FANCD2: variants seen among roughly 807,000 people sequenced by gnomAD.
FANCD2 encodes the protein FA complementation group D2, also known as Fanconi anemia group D2 protein.
A neutral mutation model predicts 192.3 loss-of-function variants in FANCD2; 131 were observed. The observed-to-expected ratio is 0.68, with a 90% CI of 0.59 to 0.79. The LOEUF is 0.79. FANCD2 is among the 30% of genes least tolerant of loss of function. FANCD2 has a pLI of 0.00. For missense variants in FANCD2, 1,508 were observed against 1,701.6 expected (o/e 0.89, Z 2.00); for synonymous variants, 524 against 612.5 (o/e 0.86, Z 2.13).
At chr3:10,046,306 G>A (rs2087008753) in intron 14 of FANCD2, 1 of 390,408 alleles carries the variant, frequency 2.6e-6, no homozygotes, top group Admixed American at 3.9e-5. Context: ...GCCCGCCTTG[G>A]CCTCCCAAAG....
chr3:10,085,020 G>A (rs895590293), intron 32 of FANCD2, among the ~76,000 whole-genome samples: 1 of 152,124 alleles, frequency 6.6e-6, no homozygotes, highest in African/African-American at 2.4e-5. Flanking sequence ...GGAAAGGAAG[G>A]GACAATATGA....
At chr3:10,064,293 T>C in intron 21 of FANCD2, 63 bp from the exon 22 acceptor site, 1 of 1,096,630 alleles carries the variant, frequency 9.1e-7, no homozygotes, top group Non-Finnish European at 1.4e-6. Context: ...TAAGAGTAAT[T>C]TATCTAGGGC....
chr3:10,100,226 A>G (rs1051752892), intron 43 of FANCD2, among the ~76,000 whole-genome samples: 4 of 152,224 alleles, frequency 2.6e-5, no homozygotes, highest in Non-Finnish European at 5.9e-5. Flanking sequence ...TTTTATTTGT[A>G]TAATATACCC....
At chr3:10,044,625 T>C (rs2086951448) in intron 14 of FANCD2, among the ~76,000 whole-genome samples, 1 of 152,086 alleles carries the variant, frequency 6.6e-6, no homozygotes, top group Non-Finnish European at 1.5e-5. Flanking sequence ...CCTTAGGTGC[T>C]GATTGGTTGC....
At chr3:10,054,455 A>G (rs1475463349) in intron 18 of FANCD2, among the ~76,000 whole-genome samples, 1 of 18,800 alleles carries the variant, frequency 5.3e-5, no homozygotes, top group Non-Finnish European at 1.1e-4. Flanking sequence ...ACATATATAT[A>G]TATATATATA....
At chr3:10,037,226 C>T (rs1352068834) in intron 7 of FANCD2, among the ~76,000 whole-genome samples, 3 of 152,072 alleles carry the variant, frequency 2.0e-5, no homozygotes, top group Non-Finnish European at 4.4e-5. Context: ...AATACAAGAA[C>T]ATCAAATATT....
rs137927195 is a variant in FANCD2 at position 10,098,158 on chromosome 3, A to G, written c.4186-562A>G. On this transcript the variant is annotated intron_variant, in intron 42 of 43. Transcript: ENST00000675286. The stretch of plus-strand genomic sequence containing the variant: ...ATATAAAACAGCACCACAGAGAATT[A>G]GCTTCCTTTCTTCACATCAACCTTA... Among the ~76,000 whole-genome samples the G allele has an allele frequency of 8.2e-3, 1,256 of 152,330 alleles. 21 individuals carry two copies. The highest frequency in any genetic ancestry group is 0.028 in the African/African-American group (1,179 of 41,578).
rs779808366 is a variant in FANCD2, at chr3:10,060,407, C to G, written c.1766+4C>G. ...CTGGCATCATGGCGGCAGACAGGTACACGTGGAGATTCTGACTTCTGTGGT... is the reference window on the plus strand; with the variant it reads ...CTGGCATCATGGCGGCAGACAGGTAGACGTGGAGATTCTGACTTCTGTGGT... On this transcript the variant is annotated splice_donor_region_variant and intron_variant, in intron 19 of 43. Coordinates refer to ENST00000675286, the MANE Select transcript of FANCD2 (RefSeq NM_001018115.3). 2.5e-6 allele frequency: 4 copies of G among 1,606,790 alleles called. No individual in the cohort carries two copies. The highest frequency in any genetic ancestry group is 3.4e-6 in the Non-Finnish European group (4 of 1,173,358).
At chr3:10,089,583 C>T (rs1694459536) in intron 36 of FANCD2, among the ~76,000 whole-genome samples, 1 of 152,104 alleles carries the variant, frequency 6.6e-6, no homozygotes, top group African/African-American at 2.4e-5. Flanking sequence ...GATTCTCCTA[C>T]CCCAGCCTTT....
chr3:10,050,400 A>G (rs1221455024), intron 17 of FANCD2, among the ~76,000 whole-genome samples: 29 of 149,862 alleles, frequency 1.9e-4, no homozygotes, highest in East Asian at 4.1e-4. Context: ...CAAGGCGGGC[A>G]AATCACGAGG....
At chr3:10,029,287 G>T (rs763530948) in intron 2 of FANCD2, among the ~76,000 whole-genome samples, 7 of 152,148 alleles carry the variant, frequency 4.6e-5, no homozygotes, top group African/African-American at 9.7e-5. Context: ...GTCACCTAAA[G>T]CTAGGAGTTC....
Position 10,096,324 on chromosome 3 carries a change from A to G in FANCD2, c.4039-2A>G. On this transcript the variant is annotated splice_acceptor_variant, in intron 41 of 43. Transcript: ENST00000675286. LOFTEE classifies it high-confidence loss of function. ...AGATGGATGTTATTTATTTCCATTC[A>G]GATTCACCAGGACACGAGACTCACC... is the stretch of plus-strand genomic sequence containing the variant. 2 of 1,614,048 alleles carry G rather than the reference A, an allele frequency of 1.2e-6. No individual in the cohort carries two copies. The highest frequency in any genetic ancestry group is 1.7e-6 in the Non-Finnish European group (2 of 1,179,920).
intron 18 of FANCD2, among the ~76,000 whole-genome samples, chr3:10,053,506 A>G (rs2087281749): frequency 6.6e-6 from 1 of 151,504 alleles, no homozygotes; most frequent in South Asian, 2.1e-4. Context: ...GTGCACATGT[A>G]CCCTAAAACT....
rs759396763 is a variant in FANCD2 at position 10,073,335 on chromosome 3, G to A, written c.2688G>A (p.Thr896=). Residue 896 remains threonine (T), a synonymous_variant, in exon 28 of 44, where the codon ACG becomes ACA. Transcript: ENST00000675286. ...AGAAAAATTCAGAATGTGACCCTAC[G>A]CCATCTCATAGAGGCCAGCTAAACA... ...SEEKNSECDP[T]PSHRGQLNKE... 4 of 1,613,146 alleles carry A rather than the reference G, an allele frequency of 2.5e-6. No homozygotes were observed. The highest frequency in any genetic ancestry group is 1.3e-5 in the African/African-American group (1 of 75,010).
chr3:10,072,761 T>C (rs1693326723), intron 26 of FANCD2, 110 bp from the exon 27 acceptor site: 1 of 731,878 alleles, frequency 1.4e-6, no homozygotes, highest in East Asian at 2.6e-5. Context: ...CATTCAGCCA[T>C]GCTTGGTAAT....
In FANCD2 at chr3:10,090,366, C is replaced by T. The variant is rs747942447; in HGVS notation, c.3758C>T (p.Thr1253Ile). Reference sequence around the variant, plus strand: ...ACGGTGAAAAAAATTGAGCCTGGCACAGCAGCAGACTCGCAGCAGGTGAGT... The same window carrying T: ...ACGGTGAAAAAAATTGAGCCTGGCATAGCAGCAGACTCGCAGCAGGTGAGT... ...EKTVKKIEPG[T>I]AADSQQIHEE... Residue 1253 changes from threonine to isoleucine, a missense_variant, in exon 37 of 44, where the codon ACA becomes ATA. Thr to Ile is a moderately conservative substitution (Grantham distance 89). Around this residue, in one of 5 missense-constraint regions of FANCD2, gnomAD observed 796 missense variants for 879.4 expected, o/e 0.91. Transcript: ENST00000675286. The T allele has an allele frequency of 6.2e-7, 1 of 1,607,248 alleles. No individual in the cohort carries two copies. Among genetic ancestry groups the T allele is most frequent in the South Asian group, 1.1e-5 (1 of 90,992 alleles).
chr3:10,026,727 T>C (rs1268606239), intron 1 of FANCD2: 2 of 147,034 alleles, frequency 1.4e-5, no homozygotes, highest in East Asian at 1.9e-4. Flanking sequence ...CTCACTTCTG[T>C]TGGGCTTTTC....
intron 1 of FANCD2, among the ~76,000 whole-genome samples, chr3:10,026,956 G>A (rs747880206): frequency 1.8e-4 from 27 of 147,068 alleles, no homozygotes; most frequent in Non-Finnish European, 7.4e-5. Flanking sequence ...AGGTGGTGAA[G>A]AGCGCAGGTG....
At chr3:10,091,989 A>T (rs930767291) in intron 37 of FANCD2, among the ~76,000 whole-genome samples, 192 bp from the exon 38 acceptor site, 4 of 152,182 alleles carry the variant, frequency 2.6e-5, no homozygotes, top group Non-Finnish European at 5.9e-5. Context: ...TGTCCCTATG[A>T]GGTGTTCTAA....
Sources: gnomAD v4.1 joint callset for allele counts (sites outside exome capture counted in the v4.1 genomes callset) on GRCh38, gnomAD v4.1.1 for gene constraint, gnomAD v4.1.1 regional missense constraint, MANE v1.5 for transcripts, NCBI Gene and HGNC (gene_info 2026-07-23, HGNC 2026-07-21) for gene names.